The following DMBT1 variants were observed in gnomAD, a reference collection of about 807,000 sequenced individuals.
The protein encoded by DMBT1 is scavenger receptor cysteine-rich domain-containing protein DMBT1.
A neutral mutation model predicts 252.9 loss-of-function variants in DMBT1; 198 were observed. The ratio of observed to expected loss-of-function variants is 0.78; its 90% confidence interval spans 0.70 to 0.88. The LOEUF is 0.88. Ranked by LOEUF, DMBT1 falls within the 40% of genes least tolerant of loss-of-function variation. DMBT1 has a pLI of 0.00. For synonymous variants in DMBT1, 990 were observed against 942.7 expected (o/e 1.05, Z -0.92); for missense variants, 2,432 against 2,404.7 (o/e 1.01, Z -0.24).
intron 5 of DMBT1, among the ~76,000 whole-genome samples, chr10:122,573,495 G>C (rs1245694941): frequency 3.3e-5 from 5 of 152,192 alleles, no homozygotes; most frequent in Non-Finnish European, 7.4e-5. Flanking sequence ...AGAGGACATG[G>C]GGGTAGGGTA....
intron 50 of DMBT1, 108 bp downstream of exon 50, chr10:122,631,983 G>T: frequency 7.8e-7 from 1 of 1,288,796 alleles, no homozygotes; most frequent in Non-Finnish European, 1.1e-6. Flanking sequence ...GTTCATCTGT[G>T]GTACCATCCT....
At chr10:122,628,321 G>C (rs1391390245) in intron 46 of DMBT1, among the ~76,000 whole-genome samples, 1 of 152,182 alleles carries the variant, frequency 6.6e-6, no homozygotes, top group African/African-American at 2.4e-5. Flanking sequence ...ATGCAGTGGA[G>C]TATTATTTGG....
In DMBT1 at chr10:122,632,898, C is replaced by G. The variant is rs779395861; in HGVS notation, c.6397+8C>G. ...ACATCACCCGTCCAAACAGTAAGTT[C>G]TGAGCTCCCTGACAAGTCTGTGGCA... On this transcript the variant is annotated splice_region_variant and intron_variant, in intron 51 of 55. Coordinates refer to ENST00000338354, the MANE Select transcript of DMBT1 (RefSeq NM_001377530.1). 2 of 1,613,894 alleles carry G rather than the reference C, an allele frequency of 1.2e-6. No homozygotes were observed. Among genetic ancestry groups the G allele is most frequent in the South Asian group, 2.2e-5 (2 of 91,018 alleles).
At chr10:122,578,878 G>C in intron 9 of DMBT1, 119 bp downstream of exon 9, 1 of 1,025,148 alleles carries the variant, frequency 9.8e-7, no homozygotes, top group South Asian at 1.4e-5. Context: ...AAGCGTGGGA[G>C]GGTGGCAGCA....
intron 27 of DMBT1, among the ~76,000 whole-genome samples, chr10:122,600,487 T>A (rs199878896): frequency 3.3e-5 from 5 of 152,198 alleles, no homozygotes. Flanking sequence ...GATACCCCCA[T>A]CCTTCACTGC....
rs1378203408 is a variant in DMBT1 at position 122,591,544 on chromosome 10, G to A, written c.2176+27G>A. The A allele has an allele frequency of 4.2e-5, 66 of 1,571,548 alleles. 6 individuals are homozygous for A. Among genetic ancestry groups the A allele is most frequent in the Non-Finnish European group, 5.3e-5 (61 of 1,151,262 alleles). On this transcript the variant is annotated intron_variant, in intron 19 of 55. Coordinates refer to ENST00000338354, the MANE Select transcript of DMBT1 (RefSeq NM_001377530.1). ...TAAATAATCCTCTCACCCCTCCCTA[G>A]GGCTCACTCTCTACCTCTGGACAAA...
intron 16 of DMBT1, among the ~76,000 whole-genome samples, chr10:122,587,588 G>A (rs1306590552): frequency 4.7e-5 from 7 of 148,336 alleles, no homozygotes; most frequent in Non-Finnish European, 7.5e-5. Flanking sequence ...CTGCTAAGAT[G>A]TGCAAGGGAG....
rs768251433 is a variant in DMBT1 at position 122,631,015 on chromosome 10, G to A, written c.6080G>A (p.Arg2027His). The change falls in exon 49 of 56, where the codon CGT becomes CAT. Residue 2027 changes from arginine (R) to histidine (H), a missense_variant. Physicochemically the swap from Arg to His is conservative, Grantham distance 29 (BLOSUM62 0). Around this residue, in one of 3 missense-constraint regions of DMBT1, gnomAD observed 1,162 missense variants for 1,169.0 expected, o/e 0.99. Coordinates refer to ENST00000338354, the MANE Select transcript of DMBT1 (RefSeq NM_001377530.1). ...TCATCCTATGGTCTATGTGCCGGGC[G>A]TGTAGAAATTTACCATGGTGGCACC... ...LNSSYGLCAGRVEIYHGGTWG... is the reference protein window; with the variant it reads ...LNSSYGLCAGHVEIYHGGTWG... 32 of 1,613,140 alleles carry A rather than the reference G, an allele frequency of 2.0e-5. No homozygotes were observed. The highest frequency in any genetic ancestry group is 8.3e-5 in the Admixed American group (5 of 60,000).
intron 27 of DMBT1, 92 bp from the exon 28 acceptor site, chr10:122,600,899 T>G (rs2097947319): frequency 1.5e-6 from 1 of 647,642 alleles, no homozygotes; most frequent in Non-Finnish European, 2.8e-6. Context: ...GTGGAATTGT[T>G]GCCAGGTGGA....
In DMBT1 at chr10:122,589,279, G is replaced by A. The variant is rs903281687; in HGVS notation, c.2107+12G>A. 1.3e-6 allele frequency: 2 copies of A among 1,588,220 alleles called. No homozygotes were observed. Among genetic ancestry groups the A allele is most frequent in the South Asian group, 1.2e-5 (1 of 86,944 alleles). ...TGTCATCTGCTCAGGTGGGCCTCCA[G>A]CAATTTTGGTTTCCTCTCTTGGGGT... On this transcript the variant is annotated intron_variant, in intron 17 of 55. Coordinates refer to ENST00000338354, the MANE Select transcript of DMBT1 (RefSeq NM_001377530.1).
chr10:122,599,170 T>G, intron 26 of DMBT1, 73 bp downstream of exon 26: 3 of 1,607,978 alleles, frequency 1.9e-6, no homozygotes, highest in Non-Finnish European at 2.5e-6. Flanking sequence ...AATTACATTC[T>G]GATCTCCTCA....
Position 122,630,861 on chromosome 10 carries a change from G to A in DMBT1, c.6026-100G>A, listed in dbSNP as rs1481112748. 1.4e-5 allele frequency: 18 copies of A among 1,318,604 alleles called. No homozygotes were observed. The East Asian group carries it at 3.8e-4, about 28-fold the overall frequency. The allele number at this position is 1,318,604 out of a possible 1,614,324, so 81.7% of individuals were successfully genotyped here. ...TCCACATTTCTATTTGGCGACTTTA[G>A]AGGTGGGAAAAGGCCTGTGGGATGC... On this transcript the variant is annotated intron_variant, in intron 48 of 55. Transcript: ENST00000338354.
At chr10:122,584,586 C>G (rs1046267315) in intron 14 of DMBT1, among the ~76,000 whole-genome samples, 2 of 148,732 alleles carry the variant, frequency 1.3e-5, no homozygotes, top group Non-Finnish European at 1.5e-5. Flanking sequence ...CATACTGTCC[C>G]AGTGGCCAAC....
Position 122,621,223 on chromosome 10 carries a change from G to C in DMBT1, c.5451G>C (p.Ser1817=). 6.2e-7 allele frequency: 1 copy of C among 1,613,806 alleles called. No homozygotes were observed. The highest frequency in any genetic ancestry group is 1.1e-5 in the South Asian group (1 of 91,068). ...CRQLGCGWAM[S]APGNARFGQG... Reference sequence around the variant, plus strand: ...AGCTGGGCTGTGGCTGGGCCATGTCGGCCCCAGGAAATGCCCGGTTTGGCC... The same window carrying C: ...AGCTGGGCTGTGGCTGGGCCATGTCCGCCCCAGGAAATGCCCGGTTTGGCC... Residue 1817 remains serine (S), a synonymous_variant, in exon 44 of 56, where the codon TCG becomes TCC. Transcript: ENST00000338354.
intron 43 of DMBT1, 97 bp from the exon 44 acceptor site, chr10:122,620,960 G>T: frequency 6.4e-7 from 1 of 1,572,668 alleles, no homozygotes; most frequent in South Asian, 1.2e-5. Context: ...CTGCACACGT[G>T]ACTTTGGCCA....
chr10:122,585,417 G>A (rs1002944334), intron 15 of DMBT1, 108 bp downstream of exon 15: 1 of 1,360,056 alleles, frequency 7.4e-7, no homozygotes, highest in Non-Finnish European at 1.0e-6. Context: ...TGTTTTTCAT[G>A]TCCCTGTGGG....
Position 122,579,671 on chromosome 10 carries a change from T to G in DMBT1, c.773T>G (p.Val258Gly). ...EVLYRGSWGT[V>G]CDDYWDTNDA... ...CTATACCGAGGCTCCTGGGGCACCGTGTGTGATGACTACTGGGACACCAAT... is the reference window on the plus strand; with the variant it reads ...CTATACCGAGGCTCCTGGGGCACCGGGTGTGATGACTACTGGGACACCAAT... The change falls in exon 10 of 56, where the codon GTG (valine) becomes GGG (glycine). Residue 258 changes from valine to glycine, a missense_variant. Transcript: ENST00000338354. 1 of 1,613,748 alleles carries G rather than the reference T, an allele frequency of 6.2e-7. No individual in the cohort carries two copies. Among genetic ancestry groups the G allele is most frequent in the Non-Finnish European group, 8.5e-7 (1 of 1,179,780 alleles).
At chr10:122,629,389 G>A (rs867278770) in intron 46 of DMBT1, among the ~76,000 whole-genome samples, 1 of 152,188 alleles carries the variant, frequency 6.6e-6, no homozygotes, top group Non-Finnish European at 1.5e-5. Context: ...CTAACCCAAC[G>A]TTGTGCTACT....
intron 45 of DMBT1, 55 bp from the exon 46 acceptor site, chr10:122,625,878 A>G (rs996685737): frequency 7.0e-7 from 1 of 1,427,682 alleles, no homozygotes; most frequent in African/African-American, 1.4e-5. Flanking sequence ...ACAAATTACT[A>G]TGGAATGGAA....
Sources: gnomAD v4.1 joint callset for allele counts (sites outside exome capture counted in the v4.1 genomes callset) on GRCh38, gnomAD v4.1.1 for gene constraint, gnomAD v4.1.1 regional missense constraint, MANE v1.5 for transcripts, NCBI Gene and HGNC (gene_info 2026-07-23, HGNC 2026-07-21) for gene names.